CCDC183: variants seen among roughly 807,000 people sequenced by gnomAD.
CCDC183 encodes coiled-coil domain containing 183, also known as coiled-coil domain-containing protein 183.
A neutral mutation model predicts 65.2 loss-of-function variants in CCDC183; 63 were observed. The observed-to-expected ratio is 0.97, with a 90% CI of 0.79 to 1.19. The LOEUF (loss-of-function observed/expected upper bound fraction) is 1.19, where lower values mean the gene tolerates loss of function less well. Ranked by LOEUF, CCDC183 falls within the 50% of genes most tolerant of loss-of-function variation. The pLI, the probability that CCDC183 is intolerant of heterozygous loss-of-function variation, is 0.00. For synonymous variants in CCDC183, 323 were observed against 276.5 expected, an observed-to-expected ratio of 1.17 and a Z score of -1.67; for missense variants, 769 against 689.3, an observed-to-expected ratio of 1.12 and a Z score of -1.30.
Position 136,806,066 on chromosome 9 carries a change from C to T in CCDC183, c.949-12C>T, listed in dbSNP as rs574486749. ...GGCCCACACCTGCTTCTCTCTCCCC[C>T]GGACTGGCCAGGACATCACTAGCCG... On this transcript the variant is annotated splice_polypyrimidine_tract_variant and intron_variant, in intron 9 of 13. Coordinates refer to ENST00000338005, the MANE Select transcript of CCDC183 (RefSeq NM_001039374.5). 14 of 1,547,614 alleles carry T rather than the reference C, an allele frequency of 9.0e-6. No homozygotes were observed. The highest frequency in any genetic ancestry group is 4.1e-5 in the African/African-American group (3 of 73,108).
rs562242644 is a variant in CCDC183 at position 136,796,484 on chromosome 9, G to A, written c.70+17G>A. The A allele has an allele frequency of 5.3e-5, 82 of 1,548,772 alleles. No homozygotes were observed. The highest frequency in any genetic ancestry group is 3.6e-4 in the South Asian group (30 of 84,504). The stretch of plus-strand genomic sequence containing the variant: ...AGCTCCAGGGTGAGCCTGCACCGCC[G>A]TGACCAGTCTCCCTTTCCCGTCTGG... On this transcript the variant is annotated intron_variant, in intron 1 of 13. Coordinates refer to ENST00000338005, the MANE Select transcript of CCDC183 (RefSeq NM_001039374.5).
rs553199709 is a variant in CCDC183, at chr9:136,803,297, C to T, written c.666+511C>T. On this transcript the variant is annotated intron_variant, in intron 6 of 13. Transcript: ENST00000338005. ...GGCCCAGGGCTGGGGCCCCCCAGGG[C>T]GGGCTCTCTTGTGTCTTCTGGCCAG... 1.8e-3 allele frequency among the ~76,000 whole-genome samples: 274 copies of T among 150,666 alleles called. 20 individuals are homozygous for T. Among genetic ancestry groups the T allele is most frequent in the Non-Finnish European group, 2.9e-3 (197 of 66,902 alleles).
At chr9:136,806,419 C>T in intron 10 of CCDC183, 85 bp from the exon 11 acceptor site, 1 of 1,557,612 alleles carries the variant, frequency 6.4e-7, no homozygotes, top group Non-Finnish European at 8.8e-7. Context: ...GGCACAGCAC[C>T]CAACTCAGGA....
intron 6 of CCDC183, among the ~76,000 whole-genome samples, chr9:136,803,658 A>G (rs1396871739): frequency 6.6e-6 from 1 of 152,218 alleles, no homozygotes; most frequent in Non-Finnish European, 1.5e-5. Context: ...GTGGGGTGGC[A>G]GATGGCTTTC....
chr9:136,796,517 T>C, intron 1 of CCDC183, 50 bp downstream of exon 1: 1 of 1,330,128 alleles, frequency 7.5e-7, no homozygotes, highest in Non-Finnish European at 1.1e-6. Context: ...TGGGGGTTTC[T>C]GGGTGCACAA....
intron 6 of CCDC183, among the ~76,000 whole-genome samples, chr9:136,803,297 C>CT (rs1847779616): frequency 6.6e-6 from 1 of 150,568 alleles, no homozygotes; most frequent in African/African-American, 2.4e-5. Context: ...CCCCCCAGGG[C>CT]GGGCTCTCTT....
In CCDC183 at chr9:136,802,687, G is replaced by A; in HGVS notation, c.567G>A (p.Glu189=). The change falls in exon 6 of 14, where the codon GAG becomes GAA. Residue 189 remains glutamate (E), a synonymous_variant. Transcript: ENST00000338005. ...AGGTGCTGGCAGGATACCCCATTGA[G>A]CTGGACAAGCTGCAGAACCTCGTGG... is the stretch of plus-strand genomic sequence containing the variant. The part of the protein sequence containing the change: ...LKTVLAGYPI[E]LDKLQNLVVN... 20 of 1,613,182 alleles carry A rather than the reference G, an allele frequency of 1.2e-5. No homozygotes were observed. Among genetic ancestry groups the A allele is most frequent in the Non-Finnish European group, 1.7e-5 (20 of 1,179,710 alleles).
intron 3 of CCDC183, 36 bp from the exon 4 acceptor site, chr9:136,799,966 C>T (rs769342686): frequency 1.0e-5 from 16 of 1,561,878 alleles, no homozygotes; most frequent in Non-Finnish European, 1.3e-5. Flanking sequence ...CGGCCCCCTA[C>T]GCAACCACGA....
Position 136,806,680 on chromosome 9 carries a change from G to C in CCDC183, c.1278+8G>C, listed in dbSNP as rs1036057045. ...AACTTGCCTGCGACCCAGGTACCGG[G>C]AGTGAGGCTGAGCTGCCACACACCA... On this transcript the variant is annotated splice_region_variant and intron_variant, in intron 11 of 13. Transcript: ENST00000338005. The C allele has an allele frequency of 1.2e-6, 2 of 1,613,216 alleles. No individual in the cohort carries two copies. The highest frequency in any genetic ancestry group is 2.7e-5 in the African/African-American group (2 of 74,940).
In CCDC183 at chr9:136,806,573, C is replaced by T. The variant is rs771444557; in HGVS notation, c.1179C>T (p.His393=). The T allele has an allele frequency of 1.9e-6, 3 of 1,613,684 alleles. No homozygotes were observed. The highest frequency in any genetic ancestry group is 1.1e-5 in the South Asian group (1 of 91,090). Residue 393 remains histidine, a synonymous_variant, in exon 11 of 14, where the codon CAC becomes CAT. Transcript: ENST00000338005. ...AAGAAGAGAGGCTCCAGCTGGCGCA[C>T]AGCAACATGACCAAGGGCCAGGAGC... is the stretch of plus-strand genomic sequence containing the variant. ...KEEEERLQLA[H]SNMTKGQELL...
At chr9:136,803,699 G>C (rs1254177086) in intron 6 of CCDC183, among the ~76,000 whole-genome samples, 2 of 152,206 alleles carry the variant, frequency 1.3e-5, no homozygotes, top group Non-Finnish European at 2.9e-5. Context: ...TGGGCTGAGG[G>C]ATTGAACCCG....
chr9:136,806,814 G>C lies in CCDC183; in HGVS notation c.1336G>C (p.Gly446Arg). The C allele has an allele frequency of 6.2e-7, 1 of 1,613,630 alleles. No homozygotes were observed. Among genetic ancestry groups the C allele is most frequent in the Non-Finnish European group, 8.5e-7 (1 of 1,180,016 alleles). Residue 446 changes from glycine to arginine, a missense_variant, in exon 12 of 14, where the codon GGG becomes CGG. Transcript: ENST00000338005. ...GAACAGCAAGCTGGCGTACTGCGAGGGGAAGCTCACGTACCTGGCTGACAG... is the reference window on the plus strand; with the variant it reads ...GAACAGCAAGCTGGCGTACTGCGAGCGGAAGCTCACGTACCTGGCTGACAG... Reference protein sequence around the residue: ...DLNSKLAYCEGKLTYLADRVQ... With the variant: ...DLNSKLAYCERKLTYLADRVQ...
Position 136,804,521 on chromosome 9 carries a change from A to T in CCDC183, c.686A>T (p.Glu229Val). 6.2e-7 allele frequency: 1 copy of T among 1,613,096 alleles called. No homozygotes were observed. Among genetic ancestry groups the T allele is most frequent in the Non-Finnish European group, 8.5e-7 (1 of 1,179,852 alleles). The change falls in exon 7 of 14, where the codon GAG becomes GTG. Residue 229 changes from glutamate (E) to valine (V), a missense_variant. By Grantham distance (121) the Glu-to-Val change is moderately radical (BLOSUM62 -2). Coordinates refer to ENST00000338005, the MANE Select transcript of CCDC183 (RefSeq NM_001039374.5). The surrounding 1 kb of genome is among the most constrained non-coding windows in gnomAD (Gnocchi z 4.1). ...CCCCAGAGGAACATGAGGCAAAGGGAGGCGTCCTTCATCGAGGAGCGCCGG... is the reference window on the plus strand; with the variant it reads ...CCCCAGAGGAACATGAGGCAAAGGGTGGCGTCCTTCATCGAGGAGCGCCGG... ...DEVKRNMRQR[E>V]ASFIEERRAR...
chr9:136,806,058 C>G lies in CCDC183; in HGVS notation c.949-20C>G. The G allele has an allele frequency of 6.5e-7, 1 of 1,544,848 alleles. No individual in the cohort carries two copies. The highest frequency in any genetic ancestry group is 8.7e-7 in the Non-Finnish European group (1 of 1,144,900). ...ACCATCCTGGCCCACACCTGCTTCT[C>G]TCTCCCCCGGACTGGCCAGGACATC... On this transcript the variant is annotated intron_variant, in intron 9 of 13. Coordinates refer to ENST00000338005, the MANE Select transcript of CCDC183 (RefSeq NM_001039374.5).
At chr9:136,800,519 G>A (rs1564348799) in intron 5 of CCDC183, 26 bp downstream of exon 5, 2 of 1,535,086 alleles carry the variant, frequency 1.3e-6, no homozygotes, top group South Asian at 1.2e-5. Context: ...CGGGAAGGGC[G>A]GGGGTCAGGG....
rs976400471 is a variant in CCDC183, at chr9:136,806,952, G to C, written c.1390-18G>C. 2 of 1,613,464 alleles carry C rather than the reference G, an allele frequency of 1.2e-6. No individual in the cohort carries two copies. Among genetic ancestry groups the C allele is most frequent in the African/African-American group, 1.3e-5 (1 of 74,952 alleles). Reference sequence around the variant, plus strand: ...CGTTCAGAGTGTCTGCACGGCTGAAGGGGGCTTTGCCCTGCAGGGCGACAC... The same window carrying C: ...CGTTCAGAGTGTCTGCACGGCTGAACGGGGCTTTGCCCTGCAGGGCGACAC... On this transcript the variant is annotated intron_variant, in intron 12 of 13. Coordinates refer to ENST00000338005, the MANE Select transcript of CCDC183 (RefSeq NM_001039374.5).
chr9:136,801,377 G>A (rs369750704), intron 5 of CCDC183, among the ~76,000 whole-genome samples: 161 of 150,844 alleles, frequency 1.1e-3, no homozygotes, highest in African/African-American at 3.8e-3. Flanking sequence ...CTCTGGTAGC[G>A]CCTTCTTCTG....
In CCDC183 at chr9:136,804,102, G is replaced by C. The variant is rs937157192; in HGVS notation, c.667-400G>C. 2.3e-5 allele frequency: 5 copies of C among 220,520 alleles called. No individual in the cohort carries two copies. Among genetic ancestry groups the C allele is most frequent in the Middle Eastern group, 1.9e-3 (1 of 540 alleles). The allele number at this position is 220,520 out of a possible 1,614,324, so 13.7% of individuals were successfully genotyped here. A position where few individuals can be genotyped will look rare whatever the true frequency, so the allele number is the denominator to read the frequency against. ...CGAGAGTGGCGAGGGTGAGAGCAGT[G>C]TCTGGGGTGCGTGAGCAGGGGTTAG... is the stretch of plus-strand genomic sequence containing the variant. On this transcript the variant is annotated intron_variant, in intron 6 of 13. Transcript: ENST00000338005. The surrounding 1 kb of genome is among the most constrained non-coding windows in gnomAD (Gnocchi z 4.1).
chr9:136,797,963 G>A (rs1305741018), intron 1 of CCDC183, among the ~76,000 whole-genome samples: 4 of 152,120 alleles, frequency 2.6e-5, no homozygotes, highest in Non-Finnish European at 5.9e-5. Flanking sequence ...TGGGACATCA[G>A]GTGTACGCCA....
Sources: allele counts gnomAD v4.1 joint callset (sites outside exome capture counted in the v4.1 genomes callset), GRCh38; gene constraint gnomAD v4.1.1; non-coding constraint Gnocchi (gnomAD v3.1); transcripts MANE v1.5; gene names NCBI Gene and HGNC (gene_info 2026-07-23, HGNC 2026-07-21).